The following SRPK2 variants were observed in gnomAD, a reference collection of about 807,000 sequenced individuals.
The protein encoded by SRPK2 is SRSF protein kinase 2, also known as SFRS protein kinase 2.
A neutral mutation model predicts 90.8 loss-of-function variants in SRPK2; 21 were observed. The observed-to-expected ratio is 0.23, with a 90% CI of 0.16 to 0.33. SRPK2 has a LOEUF of 0.33. Among genes scored for constraint, SRPK2 ranks in the 10% least tolerant of loss-of-function variants. The pLI, the probability that SRPK2 is intolerant of heterozygous loss-of-function variation, is 1.00. For missense variants in SRPK2, 620 were observed against 869.0 expected (o/e 0.71, Z 3.60); for synonymous variants, 288 against 311.1 (o/e 0.93, Z 0.78).
intron 2 of SRPK2, among the ~76,000 whole-genome samples, chr7:105,221,805 G>T (rs1478359175): frequency 1.3e-5 from 2 of 152,078 alleles, no homozygotes; most frequent in African/African-American, 2.4e-5. Flanking sequence ...TTGAAAAGTA[G>T]TATTTATTTT....
chr7:105,235,457 G>A (rs1225808997), intron 2 of SRPK2, among the ~76,000 whole-genome samples: 1 of 84,828 alleles, frequency 1.2e-5, no homozygotes, highest in Non-Finnish European at 2.3e-5. Flanking sequence ...ACGTTGTCTG[G>A]GATTGTGTGT....
chr7:105,179,794 C>G (rs1792502048), intron 3 of SRPK2, among the ~76,000 whole-genome samples: 1 of 136,102 alleles, frequency 7.3e-6, no homozygotes, highest in South Asian at 2.3e-4. Context: ...CATTGCACTC[C>G]AGCCTGGGCA....
chr7:105,170,967 G>GAAAGAAAGAAGGAA (rs66735717), intron 3 of SRPK2, among the ~76,000 whole-genome samples: 1 of 74,462 alleles, frequency 1.3e-5, no homozygotes, highest in East Asian at 5.5e-4. Flanking sequence ...AAGAAAGAAA[G>GAAAGAAAGAAGGAA]AGAAAGAAAG....
intron 7 of SRPK2, among the ~76,000 whole-genome samples, chr7:105,159,010 A>C (rs1247918734): frequency 2.6e-5 from 4 of 152,138 alleles, no homozygotes; most frequent in Non-Finnish European, 2.9e-5. Flanking sequence ...TTGAAAGCTA[A>C]GGGCAAACAG....
intron 2 of SRPK2, among the ~76,000 whole-genome samples, chr7:105,369,725 T>G (rs1242322042): frequency 6.6e-6 from 1 of 152,082 alleles, no homozygotes; most frequent in East Asian, 1.9e-4. Context: ...CAGGATAAGA[T>G]TCCCCATAAA....
chr7:105,189,746 GAAAAGA>G (rs1662678489), intron 3 of SRPK2: 2 of 152,678 alleles, frequency 1.3e-5, no homozygotes, highest in Admixed American at 1.3e-4. Context: ...CTCGGTCTCC[GAAAAGA>G]AAAAGATAAA....
At chr7:105,349,862 C>T (rs1254500574) in intron 2 of SRPK2, among the ~76,000 whole-genome samples, 2 of 152,094 alleles carry the variant, frequency 1.3e-5, no homozygotes, top group Admixed American at 1.3e-4. Flanking sequence ...CCTCAGCCTC[C>T]TGCATAGCTG....
intron 2 of SRPK2, among the ~76,000 whole-genome samples, chr7:105,364,827 T>A (rs1407458891): frequency 1.3e-5 from 2 of 152,146 alleles, no homozygotes; most frequent in East Asian, 3.9e-4. Context: ...GTCAGGGGCA[T>A]TGTCCAAAAT....
chr7:105,147,113 TAAC>T (rs1259703917), intron 7 of SRPK2, among the ~76,000 whole-genome samples: 1 of 152,206 alleles, frequency 6.6e-6, no homozygotes, highest in Non-Finnish European at 1.5e-5. Flanking sequence ...ATGATTGTCT[TAAC>T]ATTCTTTTCT....
intron 2 of SRPK2, among the ~76,000 whole-genome samples, chr7:105,353,972 G>A (rs779615640): frequency 3.1e-4 from 47 of 152,168 alleles, no homozygotes; most frequent in Non-Finnish European, 5.9e-4. Flanking sequence ...CACAGACAAG[G>A]AAGCCTGAGC....
rs1026443063 is a variant in SRPK2, at chr7:105,167,486, C to G, written c.427-22G>C. The G allele has an allele frequency of 1.9e-6, 3 of 1,590,422 alleles. No individual in the cohort carries two copies. The Admixed American group carries it at 5.0e-5, about 27-fold the overall frequency. On this transcript the variant is annotated intron_variant, in intron 5 of 15. Coordinates refer to ENST00000393651, the MANE Select transcript of SRPK2 (RefSeq NM_182692.3). ...GAACCTATGCCAAGAAAAATGAATG[C>G]AAGAACACAGGAGTTTGAGACAAAG...
chr7:105,125,837 G>A, intron 15 of SRPK2: 5 of 1,297,222 alleles, frequency 3.9e-6, no homozygotes, highest in Non-Finnish European at 5.0e-6. Context: ...ATTTTCGAGG[G>A]ACTTTCCCCA....
chr7:105,197,125 G>A (rs2129608104), intron 3 of SRPK2, among the ~76,000 whole-genome samples: 1 of 152,094 alleles, frequency 6.6e-6, no homozygotes, highest in East Asian at 1.9e-4. Flanking sequence ...AAAGGGAGGA[G>A]GGATGCCAAT....
rs1357944159 is a variant in SRPK2, at chr7:105,146,588, A to G, written c.692T>C (p.Ile231Thr). The change falls in exon 8 of 16, where the codon ATC becomes ACC. Residue 231 changes from isoleucine to threonine, a missense_variant. Ile to Thr is a moderately conservative substitution (Grantham distance 89). Around this residue, in one of 8 missense-constraint regions of SRPK2, gnomAD observed 196 missense variants for 339.2 expected, o/e 0.58. Transcript: ENST00000393651. ...ATATGCATCATCCACACACATCAAGATATTTTCCGGCTTTATGTCAGTATG... is the reference window on the plus strand; with the variant it reads ...ATATGCATCATCCACACACATCAAGGTATTTTCCGGCTTTATGTCAGTATG... ...IIHTDIKPENILMCVDDAYVR... is the reference protein window; with the variant it reads ...IIHTDIKPENTLMCVDDAYVR... 2 of 1,614,032 alleles carry G rather than the reference A, an allele frequency of 1.2e-6. No individual in the cohort carries two copies. Among genetic ancestry groups the G allele is most frequent in the South Asian group, 1.1e-5 (1 of 91,086 alleles).
At chr7:105,199,129 TA>T (rs994628269) in intron 3 of SRPK2, among the ~76,000 whole-genome samples, 1 of 152,138 alleles carries the variant, frequency 6.6e-6, no homozygotes, top group African/African-American at 2.4e-5. Flanking sequence ...AAAGATGAGG[TA>T]AAAAGTTAAG....
chr7:105,389,384 T>G, upstream of SRPK2: 1 of 1,250,792 alleles, frequency 8.0e-7, no homozygotes, highest in Non-Finnish European at 1.0e-6. Context: ...CGCCGCTTCC[T>G]CCTCTCCGGC....
At chr7:105,141,060 T>C (rs1170776279) in intron 11 of SRPK2, among the ~76,000 whole-genome samples, 1 of 152,248 alleles carries the variant, frequency 6.6e-6, no homozygotes, top group East Asian at 1.9e-4. Context: ...TTCCCAGAAA[T>C]TAACCTACAT....
At chr7:105,168,744 A>AGTGTGTGTGTGTGTGTGTGTGTGT (rs1165915539) in intron 4 of SRPK2, among the ~76,000 whole-genome samples, 1 of 25,408 alleles carries the variant, frequency 3.9e-5, no homozygotes, top group Non-Finnish European at 1.4e-4. Context: ...ACACGCACCA[A>AGTGTGTGTGTGTGTGTGTGTGTGT]ATGTGTGTGT....
intron 2 of SRPK2, among the ~76,000 whole-genome samples, chr7:105,300,774 A>T (rs963209638): frequency 6.6e-6 from 1 of 152,232 alleles, no homozygotes; most frequent in African/African-American, 2.4e-5. Flanking sequence ...AATGCTCATC[A>T]TCACTAGTCA....
Sources: allele counts gnomAD v4.1 joint callset (sites outside exome capture counted in the v4.1 genomes callset), GRCh38; gene constraint gnomAD v4.1.1; regional missense constraint gnomAD v4.1.1; transcripts MANE v1.5; gene names NCBI Gene and HGNC (gene_info 2026-07-23, HGNC 2026-07-21).